The following ZFHX3 variants were observed in gnomAD, a reference collection of about 807,000 sequenced individuals.
ZFHX3 encodes the protein zinc finger homeobox protein 3.
ZFHX3 carries 42 observed loss-of-function variants against 279.1 expected under a neutral mutation model. The ratio of observed to expected loss-of-function variants is 0.15; its 90% confidence interval spans 0.12 to 0.19. ZFHX3 has a LOEUF of 0.19. Among genes scored for constraint, ZFHX3 ranks in the 10% least tolerant of loss-of-function variants. ZFHX3 has a pLI of 1.00. For missense variants in ZFHX3, 4,981 were observed against 4,754.0 expected, an observed-to-expected ratio of 1.05 and a Z score of -1.40; for synonymous variants, 2,293 against 1,957.8, an observed-to-expected ratio of 1.17 and a Z score of -4.52.
chr16:73,347,630 A>G (rs887871371), intron 3 of ZFHX3, among the ~76,000 whole-genome samples: 4 of 151,150 alleles, frequency 2.6e-5, no homozygotes, highest in Admixed American at 2.6e-4. Context: ...CATGACTGCT[A>G]TGGTAACACA....
At chr16:73,474,543 G>C (rs34066092) in intron 2 of ZFHX3, among the ~76,000 whole-genome samples, 1 of 152,178 alleles carries the variant, frequency 6.6e-6, no homozygotes, top group African/African-American at 2.4e-5. Context: ...CCCAGAGGAG[G>C]AGGAGGAAGC....
At chr16:73,836,857 G>T (rs1961155924) in intron 1 of ZFHX3, among the ~76,000 whole-genome samples, 1 of 152,182 alleles carries the variant, frequency 6.6e-6, no homozygotes, top group Admixed American at 6.5e-5. Context: ...TGAGTGAGTG[G>T]ATTTGTTCCC....
intron 3 of ZFHX3, among the ~76,000 whole-genome samples, chr16:73,435,004 C>T (rs1164146058): frequency 2.0e-5 from 3 of 152,218 alleles, no homozygotes; most frequent in African/African-American, 4.8e-5. Context: ...GGACTCAATA[C>T]ATGTTATCAG....
intron 5 of ZFHX3, among the ~76,000 whole-genome samples, chr16:73,192,228 G>T (rs763906776): frequency 3.2e-4 from 48 of 152,256 alleles, no homozygotes; most frequent in African/African-American, 3.4e-4. Context: ...CACCGCCGTT[G>T]CAAAGCCCTC....
intron 4 of ZFHX3, among the ~76,000 whole-genome samples, chr16:73,302,694 C>G (rs1207655152): frequency 6.6e-6 from 1 of 152,148 alleles, no homozygotes; most frequent in Non-Finnish European, 1.5e-5. Flanking sequence ...AAGCGTGGGA[C>G]CTCAGGGAGT....
chr16:73,728,169 A>G (rs2053538125), intron 1 of ZFHX3, among the ~76,000 whole-genome samples: 1 of 152,088 alleles, frequency 6.6e-6, no homozygotes, highest in Non-Finnish European at 1.5e-5. Flanking sequence ...ACGTTCTTAT[A>G]AGAAAAGGAG....
intron 3 of ZFHX3, among the ~76,000 whole-genome samples, chr16:73,454,696 C>G (rs1226345589): frequency 6.6e-6 from 1 of 152,114 alleles, no homozygotes; most frequent in African/African-American, 2.4e-5. Context: ...TCACCCCCCT[C>G]TCCCCCACCC....
intron 3 of ZFHX3, among the ~76,000 whole-genome samples, chr16:73,346,197 C>T (rs1298890319): frequency 2.0e-5 from 3 of 152,156 alleles, no homozygotes; most frequent in Non-Finnish European, 4.4e-5. Context: ...GTGTGATGAT[C>T]CAATGGATAC....
At chr16:73,166,149 G>A (rs1967360140) in intron 5 of ZFHX3, among the ~76,000 whole-genome samples, 1 of 152,174 alleles carries the variant, frequency 6.6e-6, no homozygotes, top group Non-Finnish European at 1.5e-5. Context: ...CTGTGTAGCA[G>A]ATTTTTAAGG....
At chr16:73,200,640 A>G (rs1284717881) in intron 5 of ZFHX3, among the ~76,000 whole-genome samples, 2 of 152,202 alleles carry the variant, frequency 1.3e-5, no homozygotes, top group Admixed American at 1.3e-4. Context: ...TATGACCTGA[A>G]AACCATTTCT....
At chr16:73,416,701 C>T (rs527515148) in intron 3 of ZFHX3, among the ~76,000 whole-genome samples, 1 of 151,744 alleles carries the variant, frequency 6.6e-6, no homozygotes, top group Admixed American at 6.6e-5. Context: ...GTGAAACCCC[C>T]GTCTCTACTA....
At chr16:73,462,645 T>C (rs1259980333) in intron 2 of ZFHX3, among the ~76,000 whole-genome samples, 6 of 152,218 alleles carry the variant, frequency 3.9e-5, no homozygotes, top group African/African-American at 1.4e-4. Context: ...TCAAATACTT[T>C]TCTGCATCAA....
chr16:73,623,398 C>G (rs7201972), intron 2 of ZFHX3, among the ~76,000 whole-genome samples: 147,262 of 152,218 alleles, frequency 0.97, 71,274 homozygotes, highest in East Asian at 1. Flanking sequence ...AACTGTGAAT[C>G]TTAAACTTAA....
At chr16:73,687,023 TATATATATATATATATATA>T (rs1253136808) in intron 1 of ZFHX3, among the ~76,000 whole-genome samples, 1 of 28,616 alleles carries the variant, frequency 3.5e-5, no homozygotes, top group African/African-American at 1.6e-4. Flanking sequence ...TATATATATA[TATATATATATATATATATA>T]TATATATATA....
At chr16:72,803,697 A>G (rs746499003) in intron 7 of ZFHX3, among the ~76,000 whole-genome samples, 4 of 152,216 alleles carry the variant, frequency 2.6e-5, no homozygotes, top group Admixed American at 6.5e-5. Flanking sequence ...TGTACCATCC[A>G]CATTGATTAT....
chr16:73,478,879 T>G (rs146906515), intron 2 of ZFHX3, among the ~76,000 whole-genome samples: 3,084 of 152,120 alleles, frequency 0.02, 54 homozygotes, highest in Middle Eastern at 0.034. Flanking sequence ...GGTGAAACCC[T>G]GTCTCAACTA....
At chr16:73,480,646 C>T (rs1258232264) in intron 2 of ZFHX3, among the ~76,000 whole-genome samples, 1 of 152,180 alleles carries the variant, frequency 6.6e-6, no homozygotes, top group East Asian at 1.9e-4. Context: ...CAGCAGGATG[C>T]ATGGTGGCCT....
chr16:72,847,275 T>C (rs920773538), intron 4 of ZFHX3, among the ~76,000 whole-genome samples: 3 of 152,196 alleles, frequency 2.0e-5, no homozygotes, highest in South Asian at 2.1e-4. Context: ...TTGGCTGTTG[T>C]AGAAGAAAGT....
At chr16:73,331,109 C>T (rs1372223640) in intron 3 of ZFHX3, among the ~76,000 whole-genome samples, 1 of 152,166 alleles carries the variant, frequency 6.6e-6, no homozygotes, top group Non-Finnish European at 1.5e-5. Context: ...AACTTACAAT[C>T]ATGGTGGAAG....
Sources: allele counts gnomAD v4.1 joint callset (sites outside exome capture counted in the v4.1 genomes callset), GRCh38; gene constraint gnomAD v4.1.1; transcripts MANE v1.5; gene names NCBI Gene and HGNC (gene_info 2026-07-23, HGNC 2026-07-21).